CDH18: variants seen among roughly 807,000 people sequenced by gnomAD.
The protein encoded by CDH18 is cadherin 18, also known as cadherin-18.
CDH18 carries 31 observed loss-of-function variants against 67.9 expected under a neutral mutation model. That is an observed-to-expected ratio of 0.46 (90% CI 0.34 to 0.62). The LOEUF (loss-of-function observed/expected upper bound fraction) is 0.62, where lower values mean the gene tolerates loss of function less well. CDH18 is among the 20% of genes least tolerant of loss of function. The pLI is 0.01. For synonymous variants in CDH18, 362 were observed against 347.2 expected (o/e 1.04, Z -0.48); for missense variants, 890 against 975.5 (o/e 0.91, Z 1.17).
intron 2 of CDH18, among the ~76,000 whole-genome samples, chr5:20,210,217 T>C (rs1740248879): frequency 6.6e-6 from 1 of 151,994 alleles, no homozygotes; most frequent in South Asian, 2.1e-4. Flanking sequence ...AGTAACTGAG[T>C]TTTAAATTTA....
At chr5:20,278,205 A>G (rs919874804) in intron 1 of CDH18, among the ~76,000 whole-genome samples, 1 of 152,128 alleles carries the variant, frequency 6.6e-6, no homozygotes, top group Non-Finnish European at 1.5e-5. Flanking sequence ...CTATGTCAAG[A>G]TATTTAGTAA....
intron 5 of CDH18, among the ~76,000 whole-genome samples, chr5:19,650,775 G>C (rs757238520): frequency 2.5e-4 from 38 of 151,966 alleles, no homozygotes; most frequent in Non-Finnish European, 2.5e-4. Flanking sequence ...CCTTATATGG[G>C]AGTAATCACA....
At chr5:20,197,640 C>T (rs4866170) in intron 2 of CDH18, among the ~76,000 whole-genome samples, 17,202 of 152,110 alleles carry the variant, frequency 0.11, 1,383 homozygotes, top group African/African-American at 0.22. Context: ...TTTGCTGTTG[C>T]AGAGTCCTGA....
chr5:20,279,725 A>AAAAAAAAAAAAAAAAAAAAAAAAAAAC (rs59764100), intron 1 of CDH18, among the ~76,000 whole-genome samples: 1 of 128,788 alleles, frequency 7.8e-6, no homozygotes, highest in South Asian at 2.5e-4. Context: ...AAAAAAAAAA[A>AAAAAAAAAAAAAAAAAAAAAAAAAAAC]AAAGCAAAAA....
At chr5:20,018,562 G>T (rs1738097512) in intron 2 of CDH18, among the ~76,000 whole-genome samples, 1 of 152,094 alleles carries the variant, frequency 6.6e-6, no homozygotes, top group Non-Finnish European at 1.5e-5. Flanking sequence ...TGGGTGTGAA[G>T]ATTCTTAAGA....
intron 2 of CDH18, among the ~76,000 whole-genome samples, chr5:19,928,073 C>T (rs770481950): frequency 5.3e-5 from 8 of 152,122 alleles, no homozygotes; most frequent in Non-Finnish European, 8.8e-5. Context: ...GCCAGGGCTC[C>T]GTCCTGATTC....
intron 1 of CDH18, among the ~76,000 whole-genome samples, chr5:20,440,640 G>T (rs1161937170): frequency 6.6e-6 from 1 of 151,976 alleles, no homozygotes; most frequent in Non-Finnish European, 1.5e-5. Flanking sequence ...TAAAGCTGTG[G>T]TTGATAGCTA....
intron 8 of CDH18, among the ~76,000 whole-genome samples, chr5:19,566,054 T>C (rs1193407492): frequency 2.6e-5 from 4 of 151,824 alleles, no homozygotes; most frequent in East Asian, 3.9e-4. Flanking sequence ...GAATAAAAAA[T>C]GGGCAAAATA....
Position 19,571,719 on chromosome 5 carries a change from C to T in CDH18, c.1113G>A (p.Lys371=). ...LGPFKDATML[K]IIVGDVDEPP... ...GTTCATCTACATCCCCAACAATGATCTTCAGCATAGTAGCATCTTTAAAAG... is the reference window on the plus strand; with the variant it reads ...GTTCATCTACATCCCCAACAATGATTTTCAGCATAGTAGCATCTTTAAAAG... Residue 371 remains lysine, a synonymous_variant, in exon 8 of 13, where the codon AAG becomes AAA. Coordinates refer to ENST00000382275, the MANE Select transcript of CDH18 (RefSeq NM_004934.5). 1 of 1,613,942 alleles carries T rather than the reference C, an allele frequency of 6.2e-7. No homozygotes were observed. Among genetic ancestry groups the T allele is most frequent in the Non-Finnish European group, 8.5e-7 (1 of 1,179,938 alleles).
chr5:19,555,117 G>T (rs964226957), intron 8 of CDH18, among the ~76,000 whole-genome samples: 1 of 152,128 alleles, frequency 6.6e-6, no homozygotes, highest in Non-Finnish European at 1.5e-5. Context: ...TACTTCAGAC[G>T]TTGTATGACT....
At chr5:20,450,782 A>G (rs1392413858) in intron 1 of CDH18, among the ~76,000 whole-genome samples, 1 of 152,160 alleles carries the variant, frequency 6.6e-6, no homozygotes, top group East Asian at 1.9e-4. Flanking sequence ...TCATGATGCT[A>G]ATAAAGATAT....
intron 1 of CDH18, among the ~76,000 whole-genome samples, chr5:20,361,037 A>G (rs1043481224): frequency 1.3e-5 from 2 of 152,074 alleles, no homozygotes; most frequent in African/African-American, 4.8e-5. Context: ...TATAAATAGA[A>G]TATGTATTTA....
chr5:20,054,124 T>C (rs1366695777), intron 2 of CDH18, among the ~76,000 whole-genome samples: 1 of 152,182 alleles, frequency 6.6e-6, no homozygotes, highest in Non-Finnish European at 1.5e-5. Flanking sequence ...ACAATTTGTA[T>C]ATTTCATATA....
At chr5:19,630,540 T>C (rs1203501188) in intron 5 of CDH18, among the ~76,000 whole-genome samples, 3 of 152,060 alleles carry the variant, frequency 2.0e-5, no homozygotes, top group Admixed American at 6.6e-5. Flanking sequence ...TGTCAGGTGG[T>C]CCATGATACT....
chr5:20,042,699 C>T (rs749416278), intron 2 of CDH18, among the ~76,000 whole-genome samples: 1 of 152,136 alleles, frequency 6.6e-6, no homozygotes, highest in Non-Finnish European at 1.5e-5. Context: ...TGCGGTGGCT[C>T]ACGCCTGTAA....
chr5:20,567,690 A>G (rs1447630887), intron 1 of CDH18, among the ~76,000 whole-genome samples: 2 of 152,120 alleles, frequency 1.3e-5, no homozygotes, highest in Non-Finnish European at 2.9e-5. Context: ...GGCAGATCCT[A>G]ATGAGTAGCA....
intron 2 of CDH18, among the ~76,000 whole-genome samples, chr5:20,252,440 A>G (rs935555329): frequency 6.6e-6 from 1 of 152,162 alleles, no homozygotes; most frequent in Non-Finnish European, 1.5e-5. Flanking sequence ...TTCAATATTG[A>G]CACCTATTAT....
At chr5:19,948,437 C>T (rs780703823) in intron 2 of CDH18, among the ~76,000 whole-genome samples, 6 of 152,060 alleles carry the variant, frequency 3.9e-5, no homozygotes, top group African/African-American at 9.7e-5. Flanking sequence ...TGTTGATACA[C>T]GCAACGACTT....
At chr5:19,846,964 T>C (rs1783047287) in intron 2 of CDH18, among the ~76,000 whole-genome samples, 1 of 152,068 alleles carries the variant, frequency 6.6e-6, no homozygotes, top group Admixed American at 6.6e-5. Flanking sequence ...ATCCTGTCAC[T>C]TCTGGCCTTT....
Sources: gnomAD v4.1 joint callset for allele counts (sites outside exome capture counted in the v4.1 genomes callset) on GRCh38, gnomAD v4.1.1 for gene constraint, MANE v1.5 for transcripts, NCBI Gene and HGNC (gene_info 2026-07-23, HGNC 2026-07-21) for gene names.